GALNT13: variants seen among roughly 807,000 people sequenced by gnomAD.
The protein encoded by GALNT13 is polypeptide N-acetylgalactosaminyltransferase 13, also known as UDP-GalNAc:polypeptide N-acetylgalactosaminyltransferase 13.
In GALNT13, 28 loss-of-function variants were observed where a neutral mutation model predicts 64.2. The ratio of observed to expected loss-of-function variants is 0.44; its 90% confidence interval spans 0.32 to 0.60. The LOEUF is 0.60. Ranked by LOEUF, GALNT13 falls within the 20% of genes least tolerant of loss-of-function variation. The pLI is 0.05. For synonymous variants in GALNT13, 214 were observed against 224.6 expected, an observed-to-expected ratio of 0.95 and a Z score of 0.42; for missense variants, 577 against 669.8, an observed-to-expected ratio of 0.86 and a Z score of 1.53.
the GALNT13 span, among the ~76,000 whole-genome samples, chr2:153,842,135 T>C: frequency 7.0e-6 from 1 of 142,056 alleles, no homozygotes; most frequent in Non-Finnish European, 1.5e-5. Flanking sequence ...GATGGGGAGG[T>C]GGGGGGAGCT....
At chr2:153,636,492 AAATAAT>A in the GALNT13 span, among the ~76,000 whole-genome samples, 48 of 152,284 alleles carry the variant, frequency 3.2e-4, no homozygotes, top group African/African-American at 1.1e-3. Flanking sequence ...GGTTAGCAGA[AAATAAT>A]AATAGTTACA....
the GALNT13 span, among the ~76,000 whole-genome samples, chr2:153,498,470 G>T: frequency 6.6e-6 from 1 of 152,230 alleles, no homozygotes; most frequent in African/African-American, 2.4e-5. Context: ...GAGTGAGCAC[G>T]GGGTCCAGCC....
intron 3 of GALNT13, among the ~76,000 whole-genome samples, chr2:154,028,763 G>T (rs1345702710): frequency 6.6e-6 from 1 of 152,064 alleles, no homozygotes; most frequent in East Asian, 1.9e-4. Context: ...TACAACATAT[G>T]AATTAATAAC....
chr2:153,665,375 A>G, the GALNT13 span, among the ~76,000 whole-genome samples: 1 of 152,236 alleles, frequency 6.6e-6, no homozygotes, highest in Non-Finnish European at 1.5e-5. Context: ...AGAATGGGTA[A>G]TAAAGAAAAT....
chr2:154,420,676 A>G (rs1559145261), intron 11 of GALNT13, among the ~76,000 whole-genome samples: 2 of 152,140 alleles, frequency 1.3e-5, no homozygotes, highest in East Asian at 1.9e-4. Context: ...GACTAGCTGT[A>G]TGCCTATTTT....
the GALNT13 span, among the ~76,000 whole-genome samples, chr2:153,279,894 A>G: frequency 6.6e-6 from 1 of 151,952 alleles, no homozygotes; most frequent in Non-Finnish European, 1.5e-5. Context: ...ATGATTTAGG[A>G]AAGTGTCCTT....
At chr2:154,006,856 G>A (rs549212102) in intron 3 of GALNT13, among the ~76,000 whole-genome samples, 2 of 152,306 alleles carry the variant, frequency 1.3e-5, no homozygotes, top group East Asian at 3.9e-4. Context: ...TCTTGGAATT[G>A]AGATTGTAAT....
chr2:153,662,138 G>C, the GALNT13 span, among the ~76,000 whole-genome samples: 1 of 152,162 alleles, frequency 6.6e-6, no homozygotes, highest in Admixed American at 6.6e-5. Context: ...ATTAAAGAGA[G>C]CTGAATAAAC....
chr2:153,198,875 G>A, the GALNT13 span, among the ~76,000 whole-genome samples: 5 of 152,254 alleles, frequency 3.3e-5, no homozygotes, highest in African/African-American at 7.2e-5. Context: ...AAGCAAGCAC[G>A]GTCTCTGTCC....
chr2:154,081,008 T>C (rs1486214098), intron 3 of GALNT13, among the ~76,000 whole-genome samples: 2 of 151,556 alleles, frequency 1.3e-5, no homozygotes, highest in African/African-American at 4.8e-5. Flanking sequence ...TGAAACTTGA[T>C]ATTATATTTT....
Position 154,245,958 on chromosome 2 carries a change from A to T in GALNT13, c.833A>T (p.Lys278Ile). ...CCCCAAAGAGAAATGGACAGGAGGA[A>T]AGGAGACAGAACATTACCTGTCAGG... ...PVPQREMDRR[K>I]GDRTLPVRTP... Residue 278 changes from lysine (K) to isoleucine (I), a missense_variant, in exon 7 of 13, where the codon AAA becomes ATA. Physicochemically the swap from Lys to Ile is moderately radical, Grantham distance 102 (BLOSUM62 -3). This residue lies in a region of GALNT13 where 341 missense variants were observed against 379.3 expected (regional missense o/e 0.90). Coordinates refer to ENST00000392825, the MANE Select transcript of GALNT13 (RefSeq NM_052917.4). 6.2e-7 allele frequency: 1 copy of T among 1,613,254 alleles called. No individual in the cohort carries two copies. The highest frequency in any genetic ancestry group is 8.5e-7 in the Non-Finnish European group (1 of 1,179,384).
intron 3 of GALNT13, among the ~76,000 whole-genome samples, chr2:154,111,919 C>A (rs1167120711): frequency 6.6e-6 from 1 of 152,168 alleles, no homozygotes; most frequent in Non-Finnish European, 1.5e-5. Flanking sequence ...CCCACTGCCA[C>A]AATTTTTTAG....
the GALNT13 span, among the ~76,000 whole-genome samples, chr2:153,071,545 G>A: frequency 6.6e-6 from 1 of 152,180 alleles, no homozygotes; most frequent in Admixed American, 6.5e-5. Flanking sequence ...ATGTAAAGGG[G>A]TTTTATAAGC....
At chr2:153,827,544 T>C in the GALNT13 span, among the ~76,000 whole-genome samples, 1 of 148,096 alleles carries the variant, frequency 6.8e-6, no homozygotes, top group Non-Finnish European at 1.5e-5. Context: ...GAGAATGGCA[T>C]GAACCCGGGA....
intron 9 of GALNT13, among the ~76,000 whole-genome samples, chr2:154,382,850 G>A (rs971049273): frequency 6.6e-6 from 1 of 151,754 alleles, no homozygotes; most frequent in Non-Finnish European, 1.5e-5. Context: ...GAGAGACTGT[G>A]GTTATGGAAT....
chr2:153,390,409 A>G, the GALNT13 span, among the ~76,000 whole-genome samples: 29 of 152,208 alleles, frequency 1.9e-4, no homozygotes, highest in African/African-American at 6.5e-4. Context: ...GTGTATACCT[A>G]TGTAACAAAA....
At chr2:153,447,742 A>C in the GALNT13 span, among the ~76,000 whole-genome samples, 2 of 152,174 alleles carry the variant, frequency 1.3e-5, no homozygotes, top group Non-Finnish European at 2.9e-5. Flanking sequence ...ATTATGACCT[A>C]ACTAGCAGCT....
the GALNT13 span, among the ~76,000 whole-genome samples, chr2:153,680,742 A>G: frequency 8.0e-4 from 121 of 151,988 alleles, 2 homozygotes; most frequent in East Asian, 0.023. Flanking sequence ...CACATTCAGT[A>G]TGTTCCTGTG....
chr2:153,995,921 G>T (rs1272491875), intron 3 of GALNT13, among the ~76,000 whole-genome samples: 1 of 152,084 alleles, frequency 6.6e-6, no homozygotes, highest in Admixed American at 6.6e-5. Context: ...GTGAAATCTT[G>T]CAGTATTTGC....
Sources: allele counts gnomAD v4.1 joint callset (sites outside exome capture counted in the v4.1 genomes callset), GRCh38; gene constraint gnomAD v4.1.1; regional missense constraint gnomAD v4.1.1; transcripts MANE v1.5; gene names NCBI Gene and HGNC (gene_info 2026-07-23, HGNC 2026-07-21).